RUNX1: variants seen among roughly 807,000 people sequenced by gnomAD.
The protein encoded by RUNX1 is RUNX family transcription factor 1, also known as runt-related transcription factor 1.
RUNX1 carries 19 observed loss-of-function variants against 42.8 expected under a neutral mutation model. The ratio of observed to expected loss-of-function variants is 0.44; its 90% CI spans 0.31 to 0.65. The LOEUF (loss-of-function observed/expected upper bound fraction) is 0.65, where lower values mean the gene tolerates loss of function less well. RUNX1 is among the 30% of genes least tolerant of loss of function. The pLI, the probability that RUNX1 is intolerant of heterozygous loss-of-function variation, is 0.07. For missense variants in RUNX1, 528 were observed against 672.0 expected, an observed-to-expected ratio of 0.79 and a Z score of 2.37; for synonymous variants, 271 against 289.4, an observed-to-expected ratio of 0.94 and a Z score of 0.64.
At chr21:34,910,110 C>T (rs989754363) in intron 2 of RUNX1, among the ~76,000 whole-genome samples, 3 of 152,240 alleles carry the variant, frequency 2.0e-5, no homozygotes, top group Admixed American at 6.5e-5. Flanking sequence ...TCAGCTTCTA[C>T]AAACCAGCTG....
intron 2 of RUNX1, among the ~76,000 whole-genome samples, chr21:34,966,020 C>T (rs1338411233): frequency 6.6e-6 from 1 of 151,708 alleles, no homozygotes; most frequent in Middle Eastern, 3.2e-3. Context: ...TCCTGTGGGT[C>T]TCTGATGTCC....
intron 5 of RUNX1, among the ~76,000 whole-genome samples, chr21:34,866,574 C>T (rs1224084111): frequency 6.6e-6 from 1 of 152,192 alleles, no homozygotes; most frequent in Non-Finnish European, 1.5e-5. Flanking sequence ...ACTGGAACAA[C>T]CTAACAGCCA....
At chr21:34,873,565 C>T (rs745825394) in intron 5 of RUNX1, among the ~76,000 whole-genome samples, 10 of 152,220 alleles carry the variant, frequency 6.6e-5, no homozygotes, top group Non-Finnish European at 1.0e-4. Flanking sequence ...TCAGAGGAAA[C>T]GCATTTTCAG....
At chr21:35,038,854 A>G (rs1420001126) in intron 2 of RUNX1, 1 of 417,032 alleles carries the variant, frequency 2.4e-6, no homozygotes, top group South Asian at 1.7e-5. Context: ...AACCCTCTGC[A>G]TGGATGTGCA....
Position 34,843,224 on chromosome 21 carries a change from A to C in RUNX1, c.614-8623T>G, listed in dbSNP as rs2057267481. On this transcript the variant is annotated intron_variant, in intron 6 of 8. Transcript: ENST00000675419. The surrounding 1 kb of genome is among the most constrained non-coding windows in gnomAD (Gnocchi z 4.8). ...GACACCTGGACACACACACAGATAT[A>C]AAACACACATGGGGATACACACATA... Among the ~76,000 whole-genome samples, 1 of 152,070 alleles carries C rather than the reference A, an allele frequency of 6.6e-6. No individual in the cohort carries two copies. Among genetic ancestry groups the C allele is most frequent in the Admixed American group, 6.5e-5 (1 of 15,268 alleles).
chr21:34,973,369 G>A (rs996598223), intron 2 of RUNX1, among the ~76,000 whole-genome samples: 3 of 152,170 alleles, frequency 2.0e-5, no homozygotes, highest in Non-Finnish European at 4.4e-5. Context: ...TCCCTGCAAC[G>A]TACTGGCTTC....
chr21:34,863,440 C>T lies in RUNX1; in HGVS notation c.509-3862G>A, dbSNP rs371119044. On this transcript the variant is annotated intron_variant, in intron 5 of 8. Transcript: ENST00000675419. ...CTGGCAGTTGAGCACTCATGACACC[C>T]CATCTGGTAAACCACAGACTAACCT... 6.6e-5 allele frequency among the ~76,000 whole-genome samples: 10 copies of T among 152,302 alleles called. No homozygotes were observed. In the South Asian group the frequency reaches 8.3e-4, roughly 13 times the overall value.
At chr21:34,842,480 G>C (rs2057251686) in intron 6 of RUNX1, among the ~76,000 whole-genome samples, 1 of 132,204 alleles carries the variant, frequency 7.6e-6, no homozygotes, top group East Asian at 2.1e-4. Flanking sequence ...GGGTGACAGA[G>C]GGAGACCTCT....
At chr21:35,011,266 A>C (rs1337545221) in intron 2 of RUNX1, among the ~76,000 whole-genome samples, 1 of 152,162 alleles carries the variant, frequency 6.6e-6, no homozygotes, top group Admixed American at 6.5e-5. Flanking sequence ...AAGATGCTTC[A>C]CCTTCTCAGG....
intron 2 of RUNX1, among the ~76,000 whole-genome samples, chr21:35,012,981 A>G (rs1027635111): frequency 1.3e-5 from 2 of 152,252 alleles, no homozygotes; most frequent in Non-Finnish European, 2.9e-5. Flanking sequence ...CTGTATTCCA[A>G]TAAGGCATTA....
In RUNX1 at chr21:34,885,313, A is replaced by G. The variant is rs2057965652; in HGVS notation, c.351+1530T>C. Among the ~76,000 whole-genome samples the G allele has an allele frequency of 3.3e-5, 5 of 152,152 alleles. No individual in the cohort carries two copies. The South Asian group carries it at 1.0e-3, about 32-fold the overall frequency. ...CCCAACCCTGTTGGGTCCCCTCTCA[A>G]TGCGGGTGCCCTAAAGAGTCATCGC... On this transcript the variant is annotated intron_variant, in intron 4 of 8. Transcript: ENST00000675419.
rs1481675078 is a variant in RUNX1 at position 34,849,354 on chromosome 21, A to ATATATTATATATAG, written c.613+10119_613+10120insCTATATATAATATA. Among the ~76,000 whole-genome samples, 30 of 34,908 alleles carry ATATATTATATATAG rather than the reference A, an allele frequency of 8.6e-4. 1 individual carries two copies. The highest frequency in any genetic ancestry group is 2.2e-3 in the African/African-American group (24 of 10,816). 22.9% of individuals were successfully genotyped at this position (34,908 alleles called of 152,430 possible). ...ATACTATATATATTATATATAGTAT[A>ATATATTATATATAG]TATAATATATTATATATACTATATA... is the stretch of plus-strand genomic sequence containing the variant. On this transcript the variant is annotated intron_variant, in intron 6 of 8. Coordinates refer to ENST00000675419, the MANE Select transcript of RUNX1 (RefSeq NM_001754.5).
intron 2 of RUNX1, among the ~76,000 whole-genome samples, chr21:34,923,072 T>C (rs1234728487): frequency 1.3e-5 from 2 of 152,188 alleles, no homozygotes; most frequent in Admixed American, 1.3e-4. Flanking sequence ...ATTACCAATG[T>C]CCTATTTATG....
At chr21:34,927,010 G>A (rs1192226932) in intron 2 of RUNX1, among the ~76,000 whole-genome samples, 1 of 152,178 alleles carries the variant, frequency 6.6e-6, no homozygotes, top group African/African-American at 2.4e-5. Context: ...CTGTCCAAAG[G>A]TCAGTTGCTG....
chr21:34,998,891 T>C (rs1213015993), intron 2 of RUNX1, among the ~76,000 whole-genome samples: 1 of 152,166 alleles, frequency 6.6e-6, no homozygotes, highest in Non-Finnish European at 1.5e-5. Flanking sequence ...CCCTACTAAA[T>C]ATCCACCCAT....
At chr21:34,817,897 C>G (rs1478082376) in intron 7 of RUNX1, among the ~76,000 whole-genome samples, 4 of 152,208 alleles carry the variant, frequency 2.6e-5, no homozygotes, top group South Asian at 4.1e-4. Flanking sequence ...GTCAGGGCCT[C>G]TTGAGAACTG....
intron 6 of RUNX1, among the ~76,000 whole-genome samples, chr21:34,851,792 C>G (rs1244076353): frequency 6.6e-6 from 1 of 152,210 alleles, no homozygotes; most frequent in Non-Finnish European, 1.5e-5. Context: ...GTGCCTAGAT[C>G]ATCTCTTTGG....
At chr21:34,888,251 A>T in intron 3 of RUNX1, 3 of 1,067,156 alleles carry the variant, frequency 2.8e-6, no homozygotes, top group African/African-American at 1.6e-5. Flanking sequence ...TAACCGCAGC[A>T]GGTGGAGCGG....
At chr21:35,042,657 T>C (rs1051110848) in intron 2 of RUNX1, among the ~76,000 whole-genome samples, 2 of 152,198 alleles carry the variant, frequency 1.3e-5, no homozygotes, top group African/African-American at 4.8e-5. Context: ...CCTTTCTGCC[T>C]GGACAGATCA....
Sources: allele counts gnomAD v4.1 joint callset (sites outside exome capture counted in the v4.1 genomes callset), GRCh38; gene constraint gnomAD v4.1.1; non-coding constraint Gnocchi (gnomAD v3.1); transcripts MANE v1.5; gene names NCBI Gene and HGNC (gene_info 2026-07-23, HGNC 2026-07-21).